Variants in CDH4 observed in about 807,000 individuals in gnomAD.
CDH4 encodes cadherin-4.
CDH4 carries 33 observed loss-of-function variants against 86.0 expected under a neutral mutation model. The observed-to-expected ratio is 0.38, with a 90% CI of 0.29 to 0.51. CDH4 has a LOEUF of 0.51. Ranked by LOEUF, CDH4 falls within the 20% of genes least tolerant of loss-of-function variation. The pLI is 0.86. For missense variants in CDH4, 1,114 were observed against 1,307.4 expected (o/e 0.85, Z 2.28); for synonymous variants, 555 against 549.4 (o/e 1.01, Z -0.14).
chr20:61,868,708 G>GTGTCCCCCCACACTAGGCGGA (rs1983661280), intron 6 of CDH4, among the ~76,000 whole-genome samples: 3 of 151,396 alleles, frequency 2.0e-5, no homozygotes, highest in Admixed American at 2.0e-4. Flanking sequence ...CTCTGGGCAG[G>GTGTCCCCCCACACTAGGCGGA]TGTCCCCCCA....
chr20:61,347,516 G>A (rs2084686214), intron 2 of CDH4, among the ~76,000 whole-genome samples: 1 of 152,208 alleles, frequency 6.6e-6, no homozygotes, highest in South Asian at 2.1e-4. Context: ...ATATAAATAT[G>A]TATGACAGAT....
At chr20:61,607,171 A>G (rs574601661) in intron 2 of CDH4, among the ~76,000 whole-genome samples, 4 of 151,862 alleles carry the variant, frequency 2.6e-5, no homozygotes, top group Non-Finnish European at 5.9e-5. Context: ...AAACAAACAC[A>G]CCCCTCAATG....
intron 2 of CDH4, among the ~76,000 whole-genome samples, chr20:61,527,609 A>AG (rs2085920250): frequency 6.6e-6 from 1 of 152,150 alleles, no homozygotes; most frequent in Admixed American, 6.5e-5. Context: ...GCAGTGAGGG[A>AG]GGAGAACCTC....
chr20:61,391,717 C>T (rs1339121077), intron 2 of CDH4, among the ~76,000 whole-genome samples: 1 of 152,142 alleles, frequency 6.6e-6, no homozygotes, highest in Non-Finnish European at 1.5e-5. Context: ...GGTAGAAAAG[C>T]GGAGAACCAG....
At chr20:61,662,535 G>C (rs921231433) in intron 2 of CDH4, among the ~76,000 whole-genome samples, 1 of 152,214 alleles carries the variant, frequency 6.6e-6, no homozygotes, top group Non-Finnish European at 1.5e-5. Context: ...GCTGGGGGCT[G>C]GGGGGCACAG....
chr20:61,342,639 A>C (rs1568805759), intron 2 of CDH4, among the ~76,000 whole-genome samples: 3 of 152,226 alleles, frequency 2.0e-5, no homozygotes, highest in African/African-American at 4.8e-5. Context: ...AACAGGCCAC[A>C]GACCAGGACC....
At chr20:61,421,928 AC>A (rs1419307254) in intron 2 of CDH4, among the ~76,000 whole-genome samples, 1 of 152,108 alleles carries the variant, frequency 6.6e-6, no homozygotes, top group African/African-American at 2.4e-5. Context: ...CAGCCTGGAG[AC>A]CTTCCTCACC....
intron 2 of CDH4, among the ~76,000 whole-genome samples, chr20:61,477,988 T>C (rs1302038129): frequency 6.6e-6 from 1 of 152,200 alleles, no homozygotes; most frequent in Non-Finnish European, 1.5e-5. Context: ...ACATAGTTTA[T>C]GAGATGTAAA....
At chr20:61,888,315 C>T (rs1433864199) in intron 7 of CDH4, among the ~76,000 whole-genome samples, 1 of 152,202 alleles carries the variant, frequency 6.6e-6, no homozygotes, top group Non-Finnish European at 1.5e-5. Flanking sequence ...TGGCACCGTC[C>T]CCAGCCCATC....
chr20:61,665,357 C>A (rs553143656), intron 2 of CDH4, among the ~76,000 whole-genome samples: 1 of 152,378 alleles, frequency 6.6e-6, no homozygotes, highest in South Asian at 2.1e-4. Flanking sequence ...CGTGAAATGG[C>A]ATACCCAACA....
At chr20:61,653,564 G>T (rs1476791282) in intron 2 of CDH4, among the ~76,000 whole-genome samples, 28 of 143,052 alleles carry the variant, frequency 2.0e-4, no homozygotes, top group African/African-American at 6.3e-4. Context: ...CCAGGCGGGG[G>T]CTGACCCCCA....
chr20:61,254,570 A>G (rs1041449043), intron 1 of CDH4, among the ~76,000 whole-genome samples: 2 of 152,064 alleles, frequency 1.3e-5, no homozygotes, highest in African/African-American at 4.8e-5. Context: ...GGCTTCCCCA[A>G]CAGTCCGTCC....
At chr20:61,369,450 CAAAAAAAAAA>C (rs144885482) in intron 2 of CDH4, among the ~76,000 whole-genome samples, 1 of 56,588 alleles carries the variant, frequency 1.8e-5, no homozygotes, top group Non-Finnish European at 3.0e-5. Context: ...GACTCTGTCT[CAAAAAAAAAA>C]AAAAAAAAAA....
chr20:61,862,872 G>A (rs1035232952), intron 6 of CDH4, among the ~76,000 whole-genome samples: 1 of 152,172 alleles, frequency 6.6e-6, no homozygotes, highest in African/African-American at 2.4e-5. Flanking sequence ...TGCAAATGAA[G>A]TCAAAGAGAC....
At chr20:61,497,310 C>G (rs1008924141) in intron 2 of CDH4, among the ~76,000 whole-genome samples, 2 of 151,906 alleles carry the variant, frequency 1.3e-5, no homozygotes, top group African/African-American at 2.4e-5. Context: ...TGCTTCTCTC[C>G]TTTCTTGTGT....
At chr20:61,274,808 ACCATGTGCAGT>A (rs2084217284) in intron 2 of CDH4, among the ~76,000 whole-genome samples, 1 of 143,068 alleles carries the variant, frequency 7.0e-6, no homozygotes, top group Admixed American at 7.0e-5. Context: ...TTGGGGGAGT[ACCATGTGCAGT>A]TTGGGGAAGT....
chr20:61,513,692 A>G (rs1197023551), intron 2 of CDH4, among the ~76,000 whole-genome samples: 1 of 152,202 alleles, frequency 6.6e-6, no homozygotes, highest in African/African-American at 2.4e-5. Context: ...TTTAAAAAGC[A>G]TCTGACAACC....
At chr20:61,856,710 C>T (rs1049332201) in intron 6 of CDH4, among the ~76,000 whole-genome samples, 1 of 152,252 alleles carries the variant, frequency 6.6e-6, no homozygotes, top group South Asian at 2.1e-4. Context: ...ATGAAATCCC[C>T]TGGGGCACTA....
In CDH4 at chr20:61,783,435, G is replaced by C. The variant is rs375557522; in HGVS notation, c.576+10253G>C. Among the ~76,000 whole-genome samples the C allele has an allele frequency of 4.0e-3, 606 of 152,312 alleles. 3 individuals are homozygous for C. Among genetic ancestry groups the C allele is most frequent in the African/African-American group, 0.014 (585 of 41,538 alleles). On this transcript the variant is annotated intron_variant, in intron 4 of 15. Coordinates refer to ENST00000614565, the MANE Select transcript of CDH4 (RefSeq NM_001794.5). ...TCCCTTCCTTTCCTCCAATACGTGA[G>C]AGAAATGTAATCCCAGTTCCTTGGG...
Sources: allele counts gnomAD v4.1 joint callset (sites outside exome capture counted in the v4.1 genomes callset), GRCh38; gene constraint gnomAD v4.1.1; transcripts MANE v1.5; gene names NCBI Gene and HGNC (gene_info 2026-07-23, HGNC 2026-07-21).